SYNJ1: variants seen among roughly 807,000 people sequenced by gnomAD.
The protein encoded by SYNJ1 is polyphosphatidylinositol phosphatase SYNJ1.
SYNJ1 carries 78 observed loss-of-function variants against 168.2 expected under a neutral mutation model. The observed-to-expected ratio is 0.46, with a 90% CI of 0.39 to 0.56. The LOEUF (loss-of-function observed/expected upper bound fraction) is 0.56, where lower values mean the gene tolerates loss of function less well. Ranked by LOEUF, SYNJ1 falls within the 20% of genes least tolerant of loss-of-function variation. The pLI, the probability that SYNJ1 is intolerant of heterozygous loss-of-function variation, is 0.00. For missense variants in SYNJ1, 1,303 were observed against 1,597.6 expected (o/e 0.82, Z 3.14); for synonymous variants, 539 against 548.6 (o/e 0.98, Z 0.24).
At chr21:32,727,173 CTGGT>C (rs1368526923) in intron 1 of SYNJ1, among the ~76,000 whole-genome samples, 2 of 152,310 alleles carry the variant, frequency 1.3e-5, no homozygotes, top group Non-Finnish European at 2.9e-5. Context: ...AATCAACGGT[CTGGT>C]TGAGTTTCCC....
rs761614356 is a variant in SYNJ1 at position 32,665,975 on chromosome 21, T to C, written c.2113A>G (p.Ile705Val). The part of the protein sequence containing the change: ...SQVKERNEDF[I>V]EIARKLSFPM... ...AAACTCAATTTTCGTGCTATTTCTA[T>C]AAAATCTTCATTTCTTTCTTTGACT... The change falls in exon 17 of 33, where the codon ATA (isoleucine) becomes GTA (valine). Residue 705 changes from isoleucine to valine, a missense_variant. This residue lies in a region of SYNJ1 where 920 missense variants were observed against 1,208.8 expected (regional missense o/e 0.76). Transcript: ENST00000674351. 35 of 1,612,274 alleles carry C rather than the reference T, an allele frequency of 2.2e-5. No individual in the cohort carries two copies. Among genetic ancestry groups the C allele is most frequent in the Non-Finnish European group, 2.8e-5 (33 of 1,179,356 alleles).
intron 9 of SYNJ1, among the ~76,000 whole-genome samples, chr21:32,685,538 G>A: frequency 6.6e-6 from 1 of 151,780 alleles, no homozygotes; most frequent in Non-Finnish European, 1.5e-5. Context: ...GGCAGAGGCT[G>A]CAGGGAGCTG....
rs576997770 is a variant in SYNJ1 at position 32,670,147 on chromosome 21, T to C, written c.1811+141A>G. 9.8e-4 allele frequency: 593 copies of C among 602,650 alleles called. 2 individuals carry two copies. The highest frequency in any genetic ancestry group is 1.4e-3 in the Non-Finnish European group (490 of 360,010). 37.3% of individuals were successfully genotyped at this position (602,650 alleles called of 1,614,324 possible). A position where few individuals can be genotyped will look rare whatever the true frequency, so the allele number is the denominator to read the frequency against. On this transcript the variant is annotated intron_variant, in intron 15 of 32. Transcript: ENST00000674351. ...AGAGAGATCCTCAGACCCAAAAGTA[T>C]GAGAAATGCTCTTTTACAGTTTTAC...
chr21:32,727,945 C>T lies in SYNJ1; in HGVS notation c.-23+1G>A. The T allele has an allele frequency of 6.5e-7, 1 of 1,533,272 alleles. No homozygotes were observed. Among genetic ancestry groups the T allele is most frequent in the Non-Finnish European group, 8.7e-7 (1 of 1,145,876 alleles). The allele number at this position is 1,533,272 out of a possible 1,614,324, so 95.0% of individuals were successfully genotyped here. On this transcript the variant is annotated splice_donor_variant, in intron 1 of 32. Transcript: ENST00000674351. LOFTEE classifies it low-confidence loss of function (5UTR_SPLICE). ...TCCCCGCCCCCCGCCGGCTTGCTCA[C>T]CTCTTCCTCCGGCTCCTCCTCCTCC...
At chr21:32,722,854 G>T (rs2043298591) in intron 2 of SYNJ1, among the ~76,000 whole-genome samples, 1 of 152,124 alleles carries the variant, frequency 6.6e-6, no homozygotes, top group African/African-American at 2.4e-5. Context: ...CAGCCTGACA[G>T]TTTCAAGAAA....
rs764528223 is a variant in SYNJ1 at position 32,699,991 on chromosome 21, T to A, written c.326A>T (p.Asp109Val). Residue 109 changes from aspartate (D) to valine (V), a missense_variant, in exon 4 of 33, where the codon GAT becomes GTT. Physicochemically the swap from Asp to Val is radical, Grantham distance 152 (BLOSUM62 -3). Around this residue, in one of 2 missense-constraint regions of SYNJ1, gnomAD observed 920 missense variants for 1,208.8 expected, o/e 0.76. Transcript: ENST00000674351. ...TGAAATGCGATCCTCATCTGAAGAATCGATTCGCAGTGATATAAACTCAGT... is the reference window on the plus strand; with the variant it reads ...TGAAATGCGATCCTCATCTGAAGAAACGATTCGCAGTGATATAAACTCAGT... The part of the protein sequence containing the change: ...TSTEFISLRI[D>V]SSDEDRISEV... 5.0e-6 allele frequency: 8 copies of A among 1,614,194 alleles called. No individual in the cohort carries two copies. Among genetic ancestry groups the A allele is most frequent in the Non-Finnish European group, 6.8e-6 (8 of 1,180,038 alleles).
intron 10 of SYNJ1, 120 bp downstream of exon 10, chr21:32,683,918 T>A (rs1415687574): frequency 4.9e-6 from 4 of 817,878 alleles, no homozygotes; most frequent in Non-Finnish European, 7.6e-6. Context: ...AGATTAGAAG[T>A]ACAAAATGAA....
rs2039287495 is a variant in SYNJ1, at chr21:32,630,770, A to C, written c.*1035T>G. 2.2e-6 allele frequency: 1 copy of C among 455,192 alleles called. No homozygotes were observed. Among genetic ancestry groups the C allele is most frequent in the African/African-American group, 1.9e-5 (1 of 51,716 alleles). The allele number at this position is 455,192 out of a possible 1,614,324, so 28.2% of individuals were successfully genotyped here. ...CTTTTTATGGCTACTACTGTCTCCT[A>C]TTCATCCAAAGAGAAATACATCAAA... On this transcript the variant is annotated 3_prime_UTR_variant, in exon 33 of 33. Transcript: ENST00000674351.
Position 32,657,700 on chromosome 21 carries a change from A to C in SYNJ1, c.2461+16T>G. On this transcript the variant is annotated intron_variant, in intron 19 of 32. Transcript: ENST00000674351. ...TTTACATTAGTTCATTTAAATAAAG[A>C]AGCCCATTTCCCAACCTGATCTATC... The C allele has an allele frequency of 6.4e-7, 1 of 1,572,482 alleles. No homozygotes were observed. The highest frequency in any genetic ancestry group is 2.3e-5 in the East Asian group (1 of 44,030).
chr21:32,649,777 C>T (rs2040206268), intron 23 of SYNJ1, among the ~76,000 whole-genome samples: 2 of 151,978 alleles, frequency 1.3e-5, no homozygotes, highest in Admixed American at 1.3e-4. Context: ...TTTGAGACAG[C>T]CTCGCTCTGT....
intron 14 of SYNJ1, among the ~76,000 whole-genome samples, chr21:32,672,421 C>T (rs781224364): frequency 1.3e-5 from 2 of 151,840 alleles, no homozygotes; most frequent in Non-Finnish European, 2.9e-5. Flanking sequence ...CTCACTGCAA[C>T]CTCTACCTCC....
At chr21:32,688,184 T>G (rs2146107081) in intron 7 of SYNJ1, 122 bp downstream of exon 7, 1 of 853,346 alleles carries the variant, frequency 1.2e-6, no homozygotes, top group South Asian at 1.8e-5. Flanking sequence ...GTCTTTCAAT[T>G]AAATTAGGAG....
At chr21:32,699,600 C>A (rs1200027228) in intron 4 of SYNJ1, among the ~76,000 whole-genome samples, 1 of 152,148 alleles carries the variant, frequency 6.6e-6, no homozygotes, top group Non-Finnish European at 1.5e-5. Context: ...CCCCCTCGTG[C>A]CTGCTCATAT....
chr21:32,719,393 C>T (rs369686853), intron 2 of SYNJ1, among the ~76,000 whole-genome samples: 75 of 152,136 alleles, frequency 4.9e-4, no homozygotes, highest in African/African-American at 3.4e-4. Context: ...GAAATGAGGA[C>T]GGCAGTGTAC....
At chr21:32,703,051 A>G (rs1481716125) in intron 2 of SYNJ1, among the ~76,000 whole-genome samples, 1 of 152,242 alleles carries the variant, frequency 6.6e-6, no homozygotes, top group Non-Finnish European at 1.5e-5. Context: ...CCAGAGTCCT[A>G]TAGAACATCT....
chr21:32,634,740 ATTAATG>A, intron 32 of SYNJ1, 115 bp downstream of exon 32: 1 of 998,032 alleles, frequency 1.0e-6, no homozygotes, highest in Non-Finnish European at 1.5e-6. Flanking sequence ...GATAGAATTT[ATTAATG>A]GAGACAGGTG....
chr21:32,664,946 T>A lies in SYNJ1; in HGVS notation c.2271A>T (p.Gly757=). 1 of 1,612,426 alleles carries A rather than the reference T, an allele frequency of 6.2e-7. No homozygotes were observed. The highest frequency in any genetic ancestry group is 8.5e-7 in the Non-Finnish European group (1 of 1,178,938). ...CATTTTTCTGATTGATAAGTTGATC[T>A]CCTGCTATAAGAGAATCCCAATTTT... The part of the protein sequence containing the change: ...RQQNWDSLIA[G]DQLINQKNAG... Residue 757 remains glycine, a synonymous_variant, in exon 18 of 33, where the codon GGA becomes GGT. Transcript: ENST00000674351.
chr21:32,641,545 C>T (rs912481344), intron 29 of SYNJ1, among the ~76,000 whole-genome samples: 3 of 151,852 alleles, frequency 2.0e-5, no homozygotes, highest in Non-Finnish European at 4.4e-5. Context: ...TAATTAAAAT[C>T]CTTTTTAATG....
At position 32,631,605 on chromosome 21, in the gene SYNJ1, C is replaced by T. The variant is rs756043523; in HGVS notation, c.*200G>A. The T allele has an allele frequency of 1.9e-6, 3 of 1,582,462 alleles. No individual in the cohort carries two copies. Among genetic ancestry groups the T allele is most frequent in the Non-Finnish European group, 2.6e-6 (3 of 1,169,622 alleles). ...AATTGGAGGCATTGTTGGCATGCAA[C>T]TTACAGAACTCAAAACATTACTTTG... On this transcript the variant is annotated 3_prime_UTR_variant, in exon 33 of 33. Transcript: ENST00000674351.
Sources: gnomAD v4.1 joint callset for allele counts (sites outside exome capture counted in the v4.1 genomes callset) on GRCh38, gnomAD v4.1.1 for gene constraint, gnomAD v4.1.1 regional missense constraint, MANE v1.5 for transcripts, NCBI Gene and HGNC (gene_info 2026-07-23, HGNC 2026-07-21) for gene names.